The following NSUN6 variants were observed in gnomAD, a reference collection of about 807,000 sequenced individuals.
The protein encoded by NSUN6 is tRNA (cytosine(72)-C(5))-methyltransferase NSUN6.
A neutral mutation model predicts 58.0 loss-of-function variants in NSUN6; 64 were observed. The observed-to-expected ratio is 1.10, with a 90% CI of 0.90 to 1.36. The LOEUF is 1.36. Ranked by LOEUF, NSUN6 falls within the 40% of genes most tolerant of loss-of-function variation. NSUN6 has a pLI of 0.00. For missense variants in NSUN6, 701 were observed against 550.1 expected, an observed-to-expected ratio of 1.27 and a Z score of -2.74; for synonymous variants, 231 against 193.9, an observed-to-expected ratio of 1.19 and a Z score of -1.59.
chr10:18,621,702 T>C (rs1447887000), intron 3 of NSUN6, among the ~76,000 whole-genome samples: 2 of 152,114 alleles, frequency 1.3e-5, no homozygotes, highest in African/African-American at 2.4e-5. Context: ...ACACCTAGAT[T>C]GAGAGAAAAG....
At chr10:18,654,076 T>C, upstream of NSUN6, among the ~76,000 whole-genome samples, 1 of 152,140 alleles carries the variant, frequency 6.6e-6, no homozygotes, top group East Asian at 1.9e-4. Flanking sequence ...GGATGATAAT[T>C]TTAAAAGGTT....
At chr10:18,592,941 A>C (rs1263808495) in intron 7 of NSUN6, among the ~76,000 whole-genome samples, 3 of 152,222 alleles carry the variant, frequency 2.0e-5, no homozygotes, top group Admixed American at 6.5e-5. Context: ...GATTGGGAGA[A>C]AATTTTTGCA....
chr10:18,615,749 A>T, intron 4 of NSUN6, among the ~76,000 whole-genome samples: 1 of 152,240 alleles, frequency 6.6e-6, no homozygotes, highest in Non-Finnish European at 1.5e-5. Context: ...TGACTAACTT[A>T]CTAAGCATAT....
At chr10:18,550,912 G>T (rs1235879337) in intron 9 of NSUN6, among the ~76,000 whole-genome samples, 3 of 152,038 alleles carry the variant, frequency 2.0e-5, no homozygotes, top group Non-Finnish European at 4.4e-5. Flanking sequence ...TTTTAGTAGA[G>T]ACGGGGTTTT....
chr10:18,618,624 G>C (rs191366518), intron 3 of NSUN6, among the ~76,000 whole-genome samples: 56 of 150,336 alleles, frequency 3.7e-4, no homozygotes, highest in African/African-American at 8.8e-4. Flanking sequence ...GGAGGTTGCA[G>C]TGAGCCGAGA....
At chr10:18,654,282 C>A (rs2059754713), upstream of NSUN6, among the ~76,000 whole-genome samples, 1 of 152,136 alleles carries the variant, frequency 6.6e-6, no homozygotes, top group Admixed American at 6.6e-5. Context: ...TAATTTCTAT[C>A]TAGTCCTCCC....
chr10:18,549,894 T>C (rs967535090), intron 9 of NSUN6, among the ~76,000 whole-genome samples: 12 of 152,216 alleles, frequency 7.9e-5, no homozygotes, highest in Non-Finnish European at 1.8e-4. Flanking sequence ...TAAATCCTTA[T>C]AACAACCACA....
intron 3 of NSUN6, among the ~76,000 whole-genome samples, chr10:18,624,465 G>A (rs975694028): frequency 1.3e-5 from 2 of 151,578 alleles, no homozygotes; most frequent in African/African-American, 4.8e-5. Flanking sequence ...CACTAGGTCA[G>A]GAGATTGAGA....
intron 8 of NSUN6, among the ~76,000 whole-genome samples, chr10:18,581,148 C>A (rs189072055): frequency 3.9e-5 from 6 of 152,136 alleles, no homozygotes; most frequent in African/African-American, 1.4e-4. Context: ...GGGAGGGGAG[C>A]GTGCACAGTG....
chr10:18,556,098 A>T (rs1394599732), intron 8 of NSUN6, among the ~76,000 whole-genome samples: 4 of 150,864 alleles, frequency 2.7e-5, no homozygotes, highest in Non-Finnish European at 4.4e-5. Context: ...AATGGAATGG[A>T]ATGGAGAATA....
intron 3 of NSUN6, among the ~76,000 whole-genome samples, chr10:18,621,603 A>G (rs942115687): frequency 2.0e-5 from 3 of 152,204 alleles, no homozygotes; most frequent in African/African-American, 7.2e-5. Context: ...TTTTATTGAA[A>G]TGTTTCCAAA....
chr10:18,645,236 T>C (rs1407098907), intron 2 of NSUN6, among the ~76,000 whole-genome samples: 2 of 142,042 alleles, frequency 1.4e-5, no homozygotes, highest in Non-Finnish European at 3.1e-5. Flanking sequence ...GGAATGATAG[T>C]GATGTCAAAC....
intron 5 of NSUN6, among the ~76,000 whole-genome samples, chr10:18,612,728 A>C (rs2058279392): frequency 6.6e-6 from 1 of 152,238 alleles, no homozygotes. Context: ...CATAACGAAG[A>C]ATAATTTAAG....
Position 18,648,409 on chromosome 10 carries a change from A to G in NSUN6, c.231+81T>C, listed in dbSNP as rs897047318. 8 of 862,422 alleles carry G rather than the reference A, an allele frequency of 9.3e-6. No homozygotes were observed. In the African/African-American group the frequency reaches 1.3e-4, roughly 14 times the overall value. 53.4% of individuals were successfully genotyped at this position (862,422 alleles called of 1,614,324 possible). A position where few individuals can be genotyped will look rare whatever the true frequency, so the allele number is the denominator to read the frequency against. ...ATCTGTAAAACTGGAAGTGTATTAT[A>G]TCATTCATAGGATTTTAATGGAAAA... On this transcript the variant is annotated intron_variant, in intron 2 of 10. Coordinates refer to ENST00000377304, the MANE Select transcript of NSUN6 (RefSeq NM_182543.5).
intron 3 of NSUN6, among the ~76,000 whole-genome samples, chr10:18,632,701 A>G (rs969723418): frequency 1.3e-5 from 2 of 152,226 alleles, no homozygotes; most frequent in East Asian, 1.9e-4. Context: ...CAAAACCACA[A>G]TGAGATGCCA....
intron 7 of NSUN6, among the ~76,000 whole-genome samples, chr10:18,594,172 A>T (rs2057489061): frequency 1.3e-5 from 2 of 150,432 alleles, no homozygotes; most frequent in Admixed American, 6.7e-5. Context: ...GGTGCACTCC[A>T]GCCTCAGCGA....
chr10:18,579,137 A>G (rs2056793672), intron 8 of NSUN6, among the ~76,000 whole-genome samples: 1 of 152,200 alleles, frequency 6.6e-6, no homozygotes, highest in Non-Finnish European at 1.5e-5. Flanking sequence ...GCTAAGAATT[A>G]TTTATAGTTT....
In NSUN6 at chr10:18,651,267, T is replaced by TC. The variant is rs2059697966; in HGVS notation, c.-65dup. 6.7e-7 allele frequency: 1 copy of TC among 1,501,286 alleles called. No individual in the cohort carries two copies. 93.0% of individuals were successfully genotyped at this position (1,501,286 alleles called of 1,614,324 possible). A position where few individuals can be genotyped will look rare whatever the true frequency, so the allele number is the denominator to read the frequency against. The stretch of plus-strand genomic sequence containing the variant: ...GAAAACGGTGTTTTGTTTTTTTTTT[T>TC]CTTTCCGAATTAATAGTGACGAGTG... On this transcript the variant is annotated 5_prime_UTR_variant, in exon 1 of 11. Transcript: ENST00000377304.
At chr10:18,580,124 T>C (rs1438681451) in intron 8 of NSUN6, among the ~76,000 whole-genome samples, 1 of 152,184 alleles carries the variant, frequency 6.6e-6, no homozygotes, top group Non-Finnish European at 1.5e-5. Context: ...ATGGGGAGTT[T>C]TGCAGACGCT....
Sources: gnomAD v4.1 joint callset for allele counts (sites outside exome capture counted in the v4.1 genomes callset) on GRCh38, gnomAD v4.1.1 for gene constraint, MANE v1.5 for transcripts, NCBI Gene and HGNC (gene_info 2026-07-23, HGNC 2026-07-21) for gene names.